The following ABCA4 variants were observed in gnomAD, a reference collection of about 807,000 sequenced individuals.
ABCA4 encodes retinal-specific phospholipid-transporting ATPase ABCA4.
ABCA4 carries 196 observed loss-of-function variants against 263.7 expected under a neutral mutation model. That is an observed-to-expected ratio of 0.74 (90% CI 0.66 to 0.84). The LOEUF is 0.84. Among genes scored for constraint, ABCA4 ranks in the 40% least tolerant of loss-of-function variants. The pLI is 0.00. For synonymous variants in ABCA4, 1,133 were observed against 1,094.2 expected (o/e 1.04, Z -0.70); for missense variants, 2,792 against 2,855.1 (o/e 0.98, Z 0.50).
Position 94,021,429 on chromosome 1 carries a change from T to G in ABCA4, c.4849-20A>C. The G allele has an allele frequency of 1.2e-6, 2 of 1,613,964 alleles. No homozygotes were observed. Among genetic ancestry groups the G allele is most frequent in the Non-Finnish European group, 1.7e-6 (2 of 1,179,946 alleles). ...CCACACCTAGAGGGTGGAGAGGACATCTGAGACGCTGCACTAACAGCTAGT... is the reference window on the plus strand; with the variant it reads ...CCACACCTAGAGGGTGGAGAGGACAGCTGAGACGCTGCACTAACAGCTAGT... On this transcript the variant is annotated intron_variant, in intron 34 of 49. Coordinates refer to ENST00000370225, the MANE Select transcript of ABCA4 (RefSeq NM_000350.3).
rs774699366 is a variant in ABCA4, at chr1:94,048,900, G to A, written c.2711C>T (p.Thr904Met). ...LEKTEPLTEE[T>M]EDPEHPEGIH... Reference sequence around the variant, plus strand: ...TCCTTCTGGGTGCTCTGGATCCTCCGTTTCCTCTGTTAGGGGCTCGGTCTT... The same window carrying A: ...TCCTTCTGGGTGCTCTGGATCCTCCATTTCCTCTGTTAGGGGCTCGGTCTT... The change falls in exon 18 of 50, where the codon ACG becomes ATG. Residue 904 changes from threonine (T) to methionine (M), a missense_variant. Coordinates refer to ENST00000370225, the MANE Select transcript of ABCA4 (RefSeq NM_000350.3). 2.9e-5 allele frequency: 47 copies of A among 1,613,898 alleles called. No individual in the cohort carries two copies. Among genetic ancestry groups the A allele is most frequent in the Non-Finnish European group, 3.7e-5 (44 of 1,180,028 alleles).
chr1:94,031,871 G>A lies in ABCA4; in HGVS notation c.4035C>T (p.Asn1345=). ...GCTGGAGGACCAGCTGTGTCCCCGTGTTGAGCTGCGGGCCTGGGCACTCTG... is the reference window on the plus strand; with the variant it reads ...GCTGGAGGACCAGCTGTGTCCCCGTATTGAGCTGCGGGCCTGGGCACTCTG... ...PEPECPGPQL[N]TGTQLVLQHV... is the part of the protein sequence containing the mutation. The change falls in exon 27 of 50, where the codon AAC becomes AAT. Residue 1345 remains asparagine (N), a synonymous_variant. Transcript: ENST00000370225. The A allele has an allele frequency of 1.9e-6, 3 of 1,614,216 alleles. No individual in the cohort carries two copies. The highest frequency in any genetic ancestry group is 2.5e-6 in the Non-Finnish European group (3 of 1,180,042).
intron 6 of ABCA4, among the ~76,000 whole-genome samples, chr1:94,088,382 G>T (rs533412446): frequency 6.6e-6 from 1 of 152,198 alleles, no homozygotes; most frequent in African/African-American, 2.4e-5. Flanking sequence ...ACACTCCCCG[G>T]ATAGTCTCAT....
At chr1:94,009,119 G>A (rs1015779401) in intron 40 of ABCA4, among the ~76,000 whole-genome samples, 4 of 152,030 alleles carry the variant, frequency 2.6e-5, no homozygotes, top group Admixed American at 1.3e-4. Flanking sequence ...CTTGGGCATT[G>A]GACCTCTCTG....
intron 1 of ABCA4, among the ~76,000 whole-genome samples, chr1:94,116,960 CTTTCTTTCTCTTTCTTT>C (rs1662784067): frequency 8.4e-6 from 1 of 119,126 alleles, no homozygotes; most frequent in Non-Finnish European, 1.7e-5. Flanking sequence ...TCCCTCCTTT[CTTTCTTTCTCTTTCTTT>C]CTTTCTTTCT....
intron 6 of ABCA4, among the ~76,000 whole-genome samples, chr1:94,097,608 A>G (rs1306902213): frequency 2.6e-5 from 4 of 152,228 alleles, no homozygotes; most frequent in Non-Finnish European, 2.9e-5. Context: ...AGTGTGGCCT[A>G]CAATGGTCTT....
At position 94,037,285 on chromosome 1, in the gene ABCA4, T is replaced by A; in HGVS notation, c.3673A>T (p.Ile1225Phe). The change falls in exon 25 of 50, where the codon ATT becomes TTT. Residue 1225 changes from isoleucine (I) to phenylalanine (F), a missense_variant. Ile to Phe is a conservative substitution (Grantham distance 21). Transcript: ENST00000370225. ...HVPEAKLVEC[I>F]GQELIFLLPN... ...AGAAGGAAGATAAGTTCTTGACCAA[T>A]GCACTCCACCAGCTTTGCCTCTGGA... The A allele has an allele frequency of 1.2e-6, 2 of 1,614,220 alleles. No individual in the cohort carries two copies. The highest frequency in any genetic ancestry group is 1.7e-6 in the Non-Finnish European group (2 of 1,180,046).
chr1:94,092,706 T>G (rs1662001652), intron 6 of ABCA4, among the ~76,000 whole-genome samples: 1 of 152,090 alleles, frequency 6.6e-6, no homozygotes, highest in African/African-American at 2.4e-5. Context: ...AACTAGGTCT[T>G]TTTCTGTCCG....
intron 13 of ABCA4, 26 bp from the exon 14 acceptor site, chr1:94,060,785 T>G: frequency 6.5e-7 from 1 of 1,544,286 alleles, no homozygotes. Flanking sequence ...AGAAGCAGAA[T>G]AGTAGAGTGC....
At position 94,055,214 on chromosome 1, in the gene ABCA4, G is replaced by A; in HGVS notation, c.2484C>T (p.Pro828=). The change falls in exon 16 of 50, where the codon CCC becomes CCT. Residue 828 remains proline, a synonymous_variant. Transcript: ENST00000370225. The part of the protein sequence containing the change: ...GLQWSNIGNS[P]TEGDEFSFLL... ...GGAAGCTGAATTCGTCCCCTTCCGT[G>A]GGACTGTTCCCGATGTTGCTCCACT... 2.5e-6 allele frequency: 4 copies of A among 1,614,168 alleles called. No individual in the cohort carries two copies. Among genetic ancestry groups the A allele is most frequent in the South Asian group, 1.1e-5 (1 of 91,074 alleles).
chr1:94,007,631 C>A lies in ABCA4; in HGVS notation c.6005+3G>T. 1.9e-6 allele frequency: 3 copies of A among 1,610,030 alleles called. No homozygotes were observed. The highest frequency in any genetic ancestry group is 2.6e-6 in the Non-Finnish European group (3 of 1,176,324). ...CCTGAGACAGGAGGAGCAGGATACT[C>A]ACCTCTTGCCTGCTACGGTGGCATC... On this transcript the variant is annotated splice_donor_region_variant and intron_variant, in intron 43 of 49. Transcript: ENST00000370225.
chr1:94,021,997 C>T lies in ABCA4; in HGVS notation c.4668-46G>A, dbSNP rs200130386. The T allele has an allele frequency of 6.5e-5, 98 of 1,498,850 alleles. No homozygotes were observed. The Admixed American group carries it at 8.9e-4, about 14-fold the overall frequency. 92.8% of individuals were successfully genotyped at this position (1,498,850 alleles called of 1,614,324 possible). A position where few individuals can be genotyped will look rare whatever the true frequency, so the allele number is the denominator to read the frequency against. On this transcript the variant is annotated intron_variant, in intron 32 of 49. Transcript: ENST00000370225. ...CCTCAGACCAGGGCCACGAACTTCACGCCTACTAGTAGCTCTCTCGGGTTT... is the reference window on the plus strand; with the variant it reads ...CCTCAGACCAGGGCCACGAACTTCATGCCTACTAGTAGCTCTCTCGGGTTT...
chr1:94,042,919 G>A, intron 21 of ABCA4, 21 bp from the exon 22 acceptor site: 1 of 1,614,152 alleles, frequency 6.2e-7, no homozygotes, highest in Non-Finnish European at 8.5e-7. Context: ...AAGAAGGACG[G>A]GAGAGTTAAG....
chr1:94,060,504 C>A, intron 14 of ABCA4, 33 bp downstream of exon 14: 1 of 1,597,640 alleles, frequency 6.3e-7, no homozygotes, highest in South Asian at 1.1e-5. Flanking sequence ...CCAAAGTATT[C>A]AAGATTTTCT....
chr1:94,005,402 A>T (rs764486761), intron 44 of ABCA4, 39 bp downstream of exon 44: 2 of 1,613,722 alleles, frequency 1.2e-6, no homozygotes, highest in Non-Finnish European at 8.5e-7. Flanking sequence ...GCTTGTAATT[A>T]ACCAGACTCC....
rs1227500045 is a variant in ABCA4 at position 94,103,146 on chromosome 1, CA to C, written c.443-5del. 1 of 1,613,780 alleles carries C rather than the reference CA, an allele frequency of 6.2e-7. No individual in the cohort carries two copies. Among genetic ancestry groups the C allele is most frequent in the Admixed American group, 1.7e-5 (1 of 60,000 alleles). The stretch of plus-strand genomic sequence containing the variant: ...TCCCTTATTCGTATTCCTCTTCCTA[CA>C]TATGAATAAGAGAAAGAACAGGGTG... On this transcript the variant is annotated splice_polypyrimidine_tract_variant and splice_region_variant and intron_variant, in intron 4 of 49. Transcript: ENST00000370225.
Position 94,088,198 on chromosome 1 carries a change from C to T in ABCA4, c.769-4757G>A, listed in dbSNP as rs75171773. On this transcript the variant is annotated intron_variant, in intron 6 of 49. Coordinates refer to ENST00000370225, the MANE Select transcript of ABCA4 (RefSeq NM_000350.3). ...ATTTTTGCTTCTTGTATTTTCAAACCTCTCTGCTTTTCTCAACATTTTGAT... is the reference window on the plus strand; with the variant it reads ...ATTTTTGCTTCTTGTATTTTCAAACTTCTCTGCTTTTCTCAACATTTTGAT... Among the ~76,000 whole-genome samples the T allele has an allele frequency of 3.5e-3, 529 of 152,244 alleles. 4 individuals carry two copies. Among genetic ancestry groups the T allele is most frequent in the African/African-American group, 0.012 (504 of 41,538 alleles).
In ABCA4 at chr1:94,014,375, GAGGAAGGAAGGA is replaced by G. The variant is rs372109426; in HGVS notation, c.5460+156_5460+167del. Among the ~76,000 whole-genome samples, 62 of 136,480 alleles carry G rather than the reference GAGGAAGGAAGGA, an allele frequency of 4.5e-4. 1 individual carries two copies. Among genetic ancestry groups the G allele is most frequent in the African/African-American group, 2.0e-3 (56 of 28,264 alleles). 89.5% of individuals were successfully genotyped at this position (136,480 alleles called of 152,430 possible). On this transcript the variant is annotated intron_variant, in intron 38 of 49. Transcript: ENST00000370225. ...AGAAGGAAAGAGGAAGGAAGGATGG[GAGGAAGGAAGGA>G]AGGAAAGGAGGCAGGGTCGGGGGTA... is the stretch of plus-strand genomic sequence containing the variant.
At chr1:94,079,187 A>C in intron 9 of ABCA4, 135 bp downstream of exon 9, 1 of 1,310,384 alleles carries the variant, frequency 7.6e-7, no homozygotes. Flanking sequence ...GGGGGAGGAA[A>C]CGCAAGAGTC....
Sources: allele counts gnomAD v4.1 joint callset (sites outside exome capture counted in the v4.1 genomes callset), GRCh38; gene constraint gnomAD v4.1.1; transcripts MANE v1.5; gene names NCBI Gene and HGNC (gene_info 2026-07-23, HGNC 2026-07-21).